The following CACNA1D variants were observed in gnomAD, a reference collection of about 807,000 sequenced individuals.
The protein encoded by CACNA1D is voltage-dependent L-type calcium channel subunit alpha-1D.
A neutral mutation model predicts 257.1 loss-of-function variants in CACNA1D; 55 were observed. The observed-to-expected ratio is 0.21, with a 90% confidence interval of 0.17 to 0.27. The LOEUF is 0.27. Ranked by LOEUF, CACNA1D falls within the 10% of genes least tolerant of loss-of-function variation. The pLI, the probability that CACNA1D is intolerant of heterozygous loss-of-function variation, is 1.00. For missense variants in CACNA1D, 1,876 were observed against 2,784.0 expected (o/e 0.67, Z 7.34); for synonymous variants, 980 against 1,014.9 (o/e 0.97, Z 0.65).
At position 53,800,217 on chromosome 3, in the gene CACNA1D, T is replaced by G. The variant is rs375126952; in HGVS notation, c.4924-32T>G. ...GGCTGGCCCCAGGGCCCATGTGTGG[T>G]CTAACCTGTTCTGCCATTTTCATTG... On this transcript the variant is annotated intron_variant, in intron 40 of 47. Transcript: ENST00000350061. The surrounding 1 kb of genome is among the most constrained non-coding windows in gnomAD (Gnocchi z 4.3). The G allele has an allele frequency of 6.7e-7, 1 of 1,485,112 alleles. No individual in the cohort carries two copies. The highest frequency in any genetic ancestry group is 9.4e-7 in the Non-Finnish European group (1 of 1,062,272). The allele number at this position is 1,485,112 out of a possible 1,614,324, so 92.0% of individuals were successfully genotyped here.
chr3:53,609,591 A>G (rs1377813112), intron 3 of CACNA1D, among the ~76,000 whole-genome samples: 1 of 152,154 alleles, frequency 6.6e-6, no homozygotes, highest in African/African-American at 2.4e-5. Context: ...TTATATTTTC[A>G]AAGTCTATAG....
At chr3:53,586,058 A>T (rs2093210088) in intron 3 of CACNA1D, among the ~76,000 whole-genome samples, 1 of 152,062 alleles carries the variant, frequency 6.6e-6, no homozygotes, top group South Asian at 2.1e-4. Flanking sequence ...CAGGCCCCAA[A>T]CTGTGTATAG....
intron 3 of CACNA1D, among the ~76,000 whole-genome samples, chr3:53,567,061 T>C (rs954794795): frequency 9.2e-5 from 14 of 152,220 alleles, no homozygotes; most frequent in African/African-American, 3.4e-4. Flanking sequence ...AGCATTTCCA[T>C]TCTGAATTCC....
chr3:53,767,715 T>G (rs1289179479), intron 30 of CACNA1D, among the ~76,000 whole-genome samples: 1 of 152,250 alleles, frequency 6.6e-6, no homozygotes, highest in African/African-American at 2.4e-5. Flanking sequence ...GTATGAGAGC[T>G]GGCCTCCCCT....
chr3:53,806,910 G>C (rs1377408259), intron 45 of CACNA1D, among the ~76,000 whole-genome samples: 1 of 152,096 alleles, frequency 6.6e-6, no homozygotes, highest in African/African-American at 2.4e-5. Context: ...CTCGGGCCTC[G>C]GCCTTTGTCT....
At position 53,812,020 on chromosome 3, in the gene CACNA1D, C is replaced by T. The variant is rs2095602810; in HGVS notation, c.*614C>T. The T allele has an allele frequency of 2.6e-5, 4 of 152,570 alleles. No individual in the cohort carries two copies. Among genetic ancestry groups the T allele is most frequent in the South Asian group, 2.1e-4 (1 of 4,826 alleles). The allele number at this position is 152,570 out of a possible 1,614,324, so 9.5% of individuals were successfully genotyped here. ...ATAAATAAGGTTTTCTGTGATGTGA[C>T]GCCAGTTTACATAAGAGAATATCAC... On this transcript the variant is annotated 3_prime_UTR_variant, in exon 48 of 48. Transcript: ENST00000350061.
intron 3 of CACNA1D, among the ~76,000 whole-genome samples, chr3:53,525,577 G>T (rs978433892): frequency 6.6e-6 from 1 of 152,136 alleles, no homozygotes; most frequent in Non-Finnish European, 1.5e-5. Flanking sequence ...ATCATATGGG[G>T]CCTTGCAGGT....
chr3:53,674,069 A>T, intron 8 of CACNA1D: 2 of 581,124 alleles, frequency 3.4e-6, no homozygotes, highest in Non-Finnish European at 3.1e-6. Flanking sequence ...TAGTATGTGA[A>T]CGTGTAGAGG....
rs535006504 is a variant in CACNA1D at position 53,698,062 on chromosome 3, T to C, written c.1221-4579T>C. ...AGGCAGACCTAGGAAATATATGCAT[T>C]TCCGTACACATATTCATACACATAC... On this transcript the variant is annotated intron_variant, in intron 8 of 47. Transcript: ENST00000350061. Among the ~76,000 whole-genome samples the C allele has an allele frequency of 2.0e-5, 3 of 152,330 alleles. No homozygotes were observed. In the East Asian group the frequency reaches 5.8e-4, roughly 29 times the overall value.
intron 3 of CACNA1D, among the ~76,000 whole-genome samples, chr3:53,555,109 T>C (rs1016773192): frequency 6.6e-6 from 1 of 152,254 alleles, no homozygotes; most frequent in Non-Finnish European, 1.5e-5. Flanking sequence ...ATAGCTTATA[T>C]CCTACTATTT....
chr3:53,592,942 G>A (rs2093325770), intron 3 of CACNA1D, among the ~76,000 whole-genome samples: 1 of 152,190 alleles, frequency 6.6e-6, no homozygotes, highest in East Asian at 1.9e-4. Flanking sequence ...GTCCGCCTCA[G>A]CCTCTCAAAG....
At chr3:53,782,264 G>GTGTGTA (rs6147823) in intron 39 of CACNA1D, 1,506 of 75,450 alleles carry the variant, frequency 0.02, 23 homozygotes, top group Non-Finnish European at 0.028. Flanking sequence ...GTGTGTGTGT[G>GTGTGTA]TATATATATA....
intron 39 of CACNA1D, chr3:53,782,980 A>G (rs1454354646): frequency 6.6e-6 from 1 of 152,056 alleles, no homozygotes; most frequent in Non-Finnish European, 1.5e-5. Context: ...CATTCCTTTC[A>G]CCTCTCAGTC....
chr3:53,686,728 TTTC>T (rs2094476495), intron 8 of CACNA1D, among the ~76,000 whole-genome samples: 1 of 152,068 alleles, frequency 6.6e-6, no homozygotes, highest in African/African-American at 2.4e-5. Context: ...GACTCAATCT[TTTC>T]TTCTTAAGAT....
chr3:53,677,894 C>T lies in CACNA1D; in HGVS notation c.1220+4768C>T, dbSNP rs150160711. Among the ~76,000 whole-genome samples, 22 of 152,310 alleles carry T rather than the reference C, an allele frequency of 1.4e-4. No individual in the cohort carries two copies. The East Asian group carries it at 4.0e-3, about 28-fold the overall frequency. On this transcript the variant is annotated intron_variant, in intron 8 of 47. Coordinates refer to ENST00000350061, the MANE Select transcript of CACNA1D (RefSeq NM_001128840.3). ...TTACCTCTTTGAGCCTTACTTTCCT[C>T]ATCTGTGAAATGGAGCTCATCACAG...
In CACNA1D at chr3:53,776,974, G is replaced by A. The variant is rs780568741; in HGVS notation, c.4587+18G>A. 1.0e-5 allele frequency: 16 copies of A among 1,557,694 alleles called. No individual in the cohort carries two copies. The highest frequency in any genetic ancestry group is 2.2e-5 in the East Asian group (1 of 44,626). On this transcript the variant is annotated intron_variant, in intron 37 of 47. Transcript: ENST00000350061. ...CGTGCAAGGTGAGTGTCCTGTGTGC[G>A]TGTCTGACAGCCTGTCTTGTAGAAG... is the stretch of plus-strand genomic sequence containing the variant.
At chr3:53,508,967 G>C (rs2090986711) in intron 3 of CACNA1D, among the ~76,000 whole-genome samples, 1 of 152,224 alleles carries the variant, frequency 6.6e-6, no homozygotes, top group South Asian at 2.1e-4. Flanking sequence ...CCCTGCCCCA[G>C]CAAGGGTAGA....
At chr3:53,644,669 A>T (rs1383750384) in intron 3 of CACNA1D, among the ~76,000 whole-genome samples, 1 of 152,242 alleles carries the variant, frequency 6.6e-6, no homozygotes, top group Non-Finnish European at 1.5e-5. Context: ...TTAAAGGCTA[A>T]ATAGTATTTC....
At chr3:53,721,731 C>G (rs2094884685) in intron 11 of CACNA1D, among the ~76,000 whole-genome samples, 2 of 152,074 alleles carry the variant, frequency 1.3e-5, no homozygotes, top group South Asian at 4.2e-4. Context: ...AGATTCATGT[C>G]CTACTCAGCT....
Sources: allele counts gnomAD v4.1 joint callset (sites outside exome capture counted in the v4.1 genomes callset), GRCh38; gene constraint gnomAD v4.1.1; non-coding constraint Gnocchi (gnomAD v3.1); transcripts MANE v1.5; gene names NCBI Gene and HGNC (gene_info 2026-07-23, HGNC 2026-07-21).